Variants in VPS37B observed in about 807,000 individuals in gnomAD.
VPS37B encodes VPS37B subunit of ESCRT-I, also known as vacuolar protein sorting-associated protein 37B.
In VPS37B, 11 loss-of-function variants were observed where a neutral mutation model predicts 21.2. That is an observed-to-expected ratio of 0.52 (90% CI 0.33 to 0.86). The LOEUF (loss-of-function observed/expected upper bound fraction) is 0.86. Ranked by LOEUF, VPS37B falls within the 40% of genes least tolerant of loss-of-function variation. VPS37B has a pLI of 0.03. For missense variants in VPS37B, 389 were observed against 374.8 expected (o/e 1.04, Z -0.31); for synonymous variants, 175 against 159.6 (o/e 1.10, Z -0.73).
chr12:122,891,812 G>C (rs994728943), intron 1 of VPS37B, among the ~76,000 whole-genome samples: 1 of 152,162 alleles, frequency 6.6e-6, no homozygotes, highest in Non-Finnish European at 1.5e-5. Flanking sequence ...AATCACACCC[G>C]AACACGCCTT....
chr12:122,888,284 C>G, intron 1 of VPS37B: 1 of 314,532 alleles, frequency 3.2e-6, no homozygotes, highest in Non-Finnish European at 6.3e-6. Context: ...GACAACAAAG[C>G]TAAGCTAAGT....
Position 122,867,416 on chromosome 12 carries a change from G to T in VPS37B, c.558C>A (p.Thr186=). 6.2e-7 allele frequency: 1 copy of T among 1,608,654 alleles called. No homozygotes were observed. The highest frequency in any genetic ancestry group is 8.5e-7 in the Non-Finnish European group (1 of 1,178,606). Residue 186 remains threonine, a synonymous_variant, in exon 4 of 4, where the codon ACC becomes ACA. Transcript: ENST00000267202. This position sits in a 1 kb window ranked among gnomAD's most constrained non-coding sequence, Gnocchi z 5.5. The part of the protein sequence containing the change: ...LPPRLPELAP[T]APLPYPAPEA... ...CTGGGGCAGGGTAGGGAAGGGGGGC[G>T]GTAGGTGCCAGTTCGGGCAGCCTGG...
In VPS37B at chr12:122,868,322, C is replaced by T. The variant is rs2033951247; in HGVS notation, c.366+158G>A. 1.3e-5 allele frequency among the ~76,000 whole-genome samples: 2 copies of T among 152,176 alleles called. No individual in the cohort carries two copies. The highest frequency in any genetic ancestry group is 4.1e-4 in the South Asian group (2 of 4,836). On this transcript the variant is annotated intron_variant, in intron 3 of 3. Transcript: ENST00000267202. The surrounding 1 kb of genome is among the most constrained non-coding windows in gnomAD (Gnocchi z 5.5). ...CCTGGACCCCTGCCTGGCACTTTCC[C>T]CAGCACACAGGCCAGGCTGCCTGCT...
chr12:122,890,328 C>T (rs536686446), intron 1 of VPS37B, among the ~76,000 whole-genome samples: 7 of 150,292 alleles, frequency 4.7e-5, no homozygotes, highest in Non-Finnish European at 7.4e-5. Context: ...ATTTAGAATT[C>T]ACACGTGGCT....
chr12:122,875,893 A>C (rs1359427721), intron 1 of VPS37B: 1 of 151,948 alleles, frequency 6.6e-6, no homozygotes, highest in Non-Finnish European at 1.5e-5. Context: ...TCTTTGTTTC[A>C]TGGTAGGCAC....
rs575373252 is a variant in VPS37B at position 122,891,718 on chromosome 12, G to A, written c.111+4234C>T. On this transcript the variant is annotated intron_variant, in intron 1 of 3. Coordinates refer to ENST00000267202, the MANE Select transcript of VPS37B (RefSeq NM_024667.3). ...TCACCAGCATTCAGAGTGTGTTTGG[G>A]AGCCGGTCCCTGGATTTAAAGCAAG... 9.2e-5 allele frequency among the ~76,000 whole-genome samples: 14 copies of A among 152,286 alleles called. No individual in the cohort carries two copies. In the South Asian group the frequency reaches 2.7e-3, roughly 29 times the overall value.
intron 1 of VPS37B, 82 bp from the exon 2 acceptor site, chr12:122,871,143 C>G: frequency 2.6e-6 from 4 of 1,532,008 alleles, no homozygotes; most frequent in Non-Finnish European, 8.8e-7. Flanking sequence ...ACCCCAGGAG[C>G]CCAGTGCAGC....
At chr12:122,891,842 G>A (rs2034416220) in intron 1 of VPS37B, among the ~76,000 whole-genome samples, 1 of 152,222 alleles carries the variant, frequency 6.6e-6, no homozygotes, top group South Asian at 2.1e-4. Flanking sequence ...GCTTCTTCCA[G>A]ACCAGAGCTC....
intron 1 of VPS37B, chr12:122,890,287 CAG>C (rs2034394092): frequency 6.6e-6 from 1 of 151,492 alleles, no homozygotes; most frequent in African/African-American, 2.4e-5. Flanking sequence ...CTAATGTAGC[CAG>C]AGAGCTTTTT....
At position 122,868,255 on chromosome 12, in the gene VPS37B, CTT is replaced by C. The variant is rs2033949830; in HGVS notation, c.366+223_366+224del. On this transcript the variant is annotated intron_variant, in intron 3 of 3. Coordinates refer to ENST00000267202, the MANE Select transcript of VPS37B (RefSeq NM_024667.3). This position sits in a 1 kb window ranked among gnomAD's most constrained non-coding sequence, Gnocchi z 5.5. ...TCACAGGGTGGCACGCATGCCCTCT[CTT>C]GGCCCTCGCTCGGACCTGCCCTCAC... is the stretch of plus-strand genomic sequence containing the variant. Among the ~76,000 whole-genome samples the C allele has an allele frequency of 6.6e-6, 1 of 152,222 alleles. No individual in the cohort carries two copies. The highest frequency in any genetic ancestry group is 1.5e-5 in the Non-Finnish European group (1 of 68,026).
At chr12:122,892,133 A>G (rs2034421716) in intron 1 of VPS37B, among the ~76,000 whole-genome samples, 1 of 152,254 alleles carries the variant, frequency 6.6e-6, no homozygotes, top group African/African-American at 2.4e-5. Context: ...CCATGTAAAA[A>G]TAACTTTAAA....
At chr12:122,871,905 C>T (rs779261975) in intron 1 of VPS37B, 66 of 985,240 alleles carry the variant, frequency 6.7e-5, no homozygotes, top group Non-Finnish European at 7.7e-5. Context: ...CACTGGTGAT[C>T]GGCTTCCTCT....
At position 122,868,564 on chromosome 12, in the gene VPS37B, T is replaced by TG. The variant is rs760371199; in HGVS notation, c.284-3dup. ...AGGAAGCACTGCTAGACTGTCTGTC[T>TG]GGAAAAAAAGCAAGAGGTATGACAA... On this transcript the variant is annotated splice_region_variant and splice_polypyrimidine_tract_variant and intron_variant, in intron 2 of 3. Transcript: ENST00000267202. This position sits in a 1 kb window ranked among gnomAD's most constrained non-coding sequence, Gnocchi z 5.5. The TG allele has an allele frequency of 4.6e-5, 74 of 1,612,850 alleles. No individual in the cohort carries two copies. Among genetic ancestry groups the TG allele is most frequent in the Admixed American group, 1.0e-4 (6 of 59,826 alleles).
chr12:122,871,466 C>T (rs1187211365), intron 1 of VPS37B: 1 of 990,446 alleles, frequency 1.0e-6, no homozygotes, highest in African/African-American at 1.7e-5. Context: ...TAAGGAATCA[C>T]TTATCAGCAG....
Position 122,896,008 on chromosome 12 carries a change from T to C in VPS37B, c.55A>G (p.Asn19Asp), listed in dbSNP as rs200331838. The part of the protein sequence containing the change: ...RFAGLSLVQL[N>D]ELLEDEGQLT... ...TGGCCCTCGTCCTCCAGCAGCTCGT[T>C]GAGCTGCACCAGCGACAGCCCGGCG... Residue 19 changes from asparagine to aspartate, a missense_variant, in exon 1 of 4, where the codon AAC (asparagine) becomes GAC (aspartate). Physicochemically the swap from Asn to Asp is conservative, Grantham distance 23 (BLOSUM62 1). Transcript: ENST00000267202. 24 of 1,603,300 alleles carry C rather than the reference T, an allele frequency of 1.5e-5. No homozygotes were observed. The highest frequency in any genetic ancestry group is 2.0e-5 in the Non-Finnish European group (23 of 1,176,296).
At chr12:122,874,947 CAAAAAAAAAAA>C (rs373294425) in intron 1 of VPS37B, 3 of 103,932 alleles carry the variant, frequency 2.9e-5, no homozygotes, top group Non-Finnish European at 5.9e-5. Flanking sequence ...AACTCCGTCT[CAAAAAAAAAAA>C]AAAAAAAAAA....
intron 2 of VPS37B, chr12:122,870,202 G>T (rs2033997802): frequency 6.6e-6 from 1 of 152,168 alleles, no homozygotes; most frequent in African/African-American, 2.4e-5. Context: ...TTCTAAACTG[G>T]TGACTGCTAA....
chr12:122,873,880 G>A (rs1856072906), intron 1 of VPS37B: 1 of 152,150 alleles, frequency 6.6e-6, no homozygotes, highest in Non-Finnish European at 1.5e-5. Context: ...GTGAAGATCT[G>A]CTGAATGAAT....
intron 1 of VPS37B, chr12:122,876,907 G>C (rs2034160776): frequency 6.6e-6 from 1 of 152,266 alleles, no homozygotes; most frequent in Admixed American, 6.5e-5. Flanking sequence ...ACCGCCTGCA[G>C]CTCTGTGGCC....
Sources: gnomAD v4.1 joint callset for allele counts (sites outside exome capture counted in the v4.1 genomes callset) on GRCh38, gnomAD v4.1.1 for gene constraint, Gnocchi (gnomAD v3.1) non-coding constraint, MANE v1.5 for transcripts, NCBI Gene and HGNC (gene_info 2026-07-23, HGNC 2026-07-21) for gene names.